ANKRD12: variants seen among roughly 807,000 people sequenced by gnomAD.
ANKRD12 encodes ankyrin repeat domain-containing protein 12.
In ANKRD12, 85 loss-of-function variants were observed where a neutral mutation model predicts 183.4. The observed-to-expected ratio is 0.46, with a 90% CI of 0.39 to 0.56. The LOEUF is 0.56. Ranked by LOEUF, ANKRD12 falls within the 20% of genes least tolerant of loss-of-function variation. ANKRD12 has a pLI of 0.00. For synonymous variants in ANKRD12, 914 were observed against 800.2 expected, an observed-to-expected ratio of 1.14 and a Z score of -2.40; for missense variants, 2,405 against 2,357.1, an observed-to-expected ratio of 1.02 and a Z score of -0.42.
chr18:9,156,555 T>G (rs978658895), intron 1 of ANKRD12, among the ~76,000 whole-genome samples: 1 of 152,152 alleles, frequency 6.6e-6, no homozygotes, highest in Non-Finnish European at 1.5e-5. Flanking sequence ...CAAAAGTAGT[T>G]GAAATAAGAT....
intron 10 of ANKRD12, among the ~76,000 whole-genome samples, chr18:9,267,524 G>C (rs2039362293): frequency 1.3e-5 from 2 of 152,074 alleles, no homozygotes; most frequent in African/African-American, 4.8e-5. Flanking sequence ...ACTGACTACT[G>C]GGTACATAAC....
At chr18:9,162,868 C>T (rs1598424411) in intron 1 of ANKRD12, among the ~76,000 whole-genome samples, 1 of 151,840 alleles carries the variant, frequency 6.6e-6, no homozygotes, top group Admixed American at 6.6e-5. Context: ...TGTTCATGTT[C>T]TTTGCCCACT....
intron 1 of ANKRD12, among the ~76,000 whole-genome samples, chr18:9,176,136 G>T (rs1383567769): frequency 1.3e-5 from 2 of 152,152 alleles, no homozygotes; most frequent in African/African-American, 4.8e-5. Flanking sequence ...TAGTGACATT[G>T]CTAAGATAAT....
intron 8 of ANKRD12, among the ~76,000 whole-genome samples, chr18:9,247,107 C>G (rs929831988): frequency 6.6e-6 from 1 of 152,088 alleles, no homozygotes; most frequent in Non-Finnish European, 1.5e-5. Context: ...GTTACACTTT[C>G]TGTTGGGCAA....
intron 4 of ANKRD12, 124 bp downstream of exon 4, chr18:9,204,668 C>T: frequency 1.4e-6 from 1 of 713,640 alleles, no homozygotes; most frequent in South Asian, 2.1e-5. Context: ...AATAAATGAA[C>T]TACGTGGGTG....
At chr18:9,241,731 T>C (rs1000747321) in intron 8 of ANKRD12, among the ~76,000 whole-genome samples, 12 of 152,330 alleles carry the variant, frequency 7.9e-5, no homozygotes, top group African/African-American at 2.9e-4. Context: ...GTATGTGGTG[T>C]GCTTTACACA....
rs780945144 is a variant in ANKRD12, at chr18:9,257,116, A to G, written c.3849A>G (p.Thr1283=). ...IKPPYANRLS[T]SHLRSSSVED... is the part of the protein sequence containing the mutation. ...CACCATATGCAAACAGACTTTCAAC[A>G]TCCCATCTTAGGTCATCTTCTGTAG... Residue 1283 remains threonine (T), a synonymous_variant, in exon 9 of 13, where the codon ACA becomes ACG. Transcript: ENST00000262126. 3.1e-6 allele frequency: 5 copies of G among 1,614,160 alleles called. No homozygotes were observed. In the South Asian group the frequency reaches 5.5e-5, roughly 18 times the overall value.
chr18:9,164,624 T>A (rs560562594), intron 1 of ANKRD12, among the ~76,000 whole-genome samples: 7 of 152,290 alleles, frequency 4.6e-5, no homozygotes, highest in South Asian at 2.1e-4. Context: ...TCCAAGAACT[T>A]CTTGATTTCT....
At chr18:9,201,486 C>CTTT (rs1403969652) in intron 3 of ANKRD12, among the ~76,000 whole-genome samples, 1 of 152,296 alleles carries the variant, frequency 6.6e-6, no homozygotes, top group African/African-American at 2.4e-5. Flanking sequence ...TGATGTTTGT[C>CTTT]ATACCCTGAG....
Position 9,256,348 on chromosome 18 carries a change from C to T in ANKRD12, c.3081C>T (p.Tyr1027=). The T allele has an allele frequency of 6.3e-7, 1 of 1,593,984 alleles. No homozygotes were observed. The highest frequency in any genetic ancestry group is 8.5e-7 in the Non-Finnish European group (1 of 1,170,940). The part of the protein sequence containing the change: ...KDKKDKDIDR[Y]KERDKHKDKI... ...AAAAAGATAAAGATATAGATAGATA[C>T]AAAGAACGAGACAAACATAAAGATA... The change falls in exon 9 of 13, where the codon TAC becomes TAT. Residue 1027 remains tyrosine (Y), a synonymous_variant. Transcript: ENST00000262126.
At chr18:9,182,831 T>C (rs920160126) in intron 2 of ANKRD12, among the ~76,000 whole-genome samples, 2 of 152,166 alleles carry the variant, frequency 1.3e-5, no homozygotes, top group African/African-American at 4.8e-5. Flanking sequence ...ATCTATCCTT[T>C]TTCATTCCTA....
chr18:9,139,377 A>C (rs569132611), intron 1 of ANKRD12, among the ~76,000 whole-genome samples: 1 of 152,202 alleles, frequency 6.6e-6, no homozygotes, highest in Admixed American at 6.5e-5. Flanking sequence ...CTTTTGAAGT[A>C]GATTGGAGAA....
At chr18:9,194,596 A>G (rs770330976) in intron 2 of ANKRD12, among the ~76,000 whole-genome samples, 36 of 152,242 alleles carry the variant, frequency 2.4e-4, no homozygotes, top group Admixed American at 3.9e-4. Flanking sequence ...ACCTCAGGTG[A>G]TACCCATGCT....
In ANKRD12 at chr18:9,255,131, G is replaced by A; in HGVS notation, c.1864G>A (p.Ala622Thr). 6.3e-7 allele frequency: 1 copy of A among 1,580,658 alleles called. No individual in the cohort carries two copies. The stretch of plus-strand genomic sequence containing the variant: ...CTTAGAATTTGGTGAAAAATCAAAT[G>A]CCAAAATAAAGGATGAAGATCATAG... The part of the protein sequence containing the change: ...FHLEFGEKSN[A>T]KIKDEDHSPT... Residue 622 changes from alanine to threonine, a missense_variant, in exon 9 of 13, where the codon GCC (alanine) becomes ACC (threonine). Physicochemically the swap from Ala to Thr is moderately conservative, Grantham distance 58. Around this residue, in one of 7 missense-constraint regions of ANKRD12, gnomAD observed 1,983 missense variants for 1,725.9 expected, o/e 1.15. Coordinates refer to ENST00000262126, the MANE Select transcript of ANKRD12 (RefSeq NM_015208.5).
chr18:9,229,920 A>T (rs1483892097), intron 8 of ANKRD12, among the ~76,000 whole-genome samples: 1 of 152,066 alleles, frequency 6.6e-6, no homozygotes, highest in Admixed American at 6.5e-5. Flanking sequence ...ATGTTGGCCT[A>T]TAGTTTTCTT....
intron 10 of ANKRD12, among the ~76,000 whole-genome samples, chr18:9,267,237 C>A (rs145461056): frequency 0.013 from 1,967 of 152,180 alleles, 47 homozygotes; most frequent in African/African-American, 0.046. Flanking sequence ...ACAAGGATAT[C>A]CAGGAATTGA....
chr18:9,198,200 A>G (rs149041031), intron 3 of ANKRD12, among the ~76,000 whole-genome samples: 54 of 152,302 alleles, frequency 3.5e-4, no homozygotes, highest in African/African-American at 1.3e-3. Context: ...AAACATTTAC[A>G]GCATATATCA....
At chr18:9,215,877 C>T (rs1381171205) in intron 6 of ANKRD12, among the ~76,000 whole-genome samples, 1 of 152,072 alleles carries the variant, frequency 6.6e-6, no homozygotes, top group East Asian at 1.9e-4. Flanking sequence ...GTAGATACCA[C>T]ATCAGAGGTA....
chr18:9,207,683 T>G (rs1187107212), intron 4 of ANKRD12, among the ~76,000 whole-genome samples: 1 of 152,166 alleles, frequency 6.6e-6, no homozygotes, highest in Non-Finnish European at 1.5e-5. Context: ...TTTGCTATTT[T>G]TGAATATTCT....
Sources: allele counts gnomAD v4.1 joint callset (sites outside exome capture counted in the v4.1 genomes callset), GRCh38; gene constraint gnomAD v4.1.1; regional missense constraint gnomAD v4.1.1; transcripts MANE v1.5; gene names NCBI Gene and HGNC (gene_info 2026-07-23, HGNC 2026-07-21).